Variants in PRSS23 observed in about 807,000 individuals in gnomAD.
The protein encoded by PRSS23 is serine protease 23.
A neutral mutation model predicts 34.7 loss-of-function variants in PRSS23; 25 were observed. That is an observed-to-expected ratio of 0.72 (90% confidence interval 0.53 to 1.01). The LOEUF (loss-of-function observed/expected upper bound fraction) is 1.01. Ranked by LOEUF, PRSS23 falls within the 50% of genes least tolerant of loss-of-function variation. The pLI is 0.00. For synonymous variants in PRSS23, 176 were observed against 186.6 expected, an observed-to-expected ratio of 0.94 and a Z score of 0.46; for missense variants, 445 against 475.6, an observed-to-expected ratio of 0.94 and a Z score of 0.60.
chr11:86,824,179 A>G (rs114426362), intron 2 of PRSS23, among the ~76,000 whole-genome samples: 1,924 of 151,298 alleles, frequency 0.013, 34 homozygotes, highest in African/African-American at 0.044. Context: ...ATGGCCCCGT[A>G]TGCCTGTGGT....
upstream of PRSS23, among the ~76,000 whole-genome samples, chr11:86,796,677 A>AAAAT (rs1484217021): frequency 5.3e-5 from 8 of 152,094 alleles, no homozygotes; most frequent in Non-Finnish European, 8.8e-5. Flanking sequence ...TACACATAAT[A>AAAAT]AAATATACTC....
At chr11:86,839,599 G>A in intron 2 of PRSS23, among the ~76,000 whole-genome samples, 1 of 151,892 alleles carries the variant, frequency 6.6e-6, no homozygotes, top group East Asian at 1.9e-4. Flanking sequence ...GAAATACAGA[G>A]AACACCACAA....
chr11:86,852,495 T>C (rs1301970956), intron 2 of PRSS23, among the ~76,000 whole-genome samples: 3 of 152,206 alleles, frequency 2.0e-5, no homozygotes, highest in African/African-American at 7.2e-5. Flanking sequence ...TTTCTTTTCT[T>C]CTTAAAGATC....
At chr11:86,946,352 T>A (rs1949242524) in intron 2 of PRSS23, 1 of 151,622 alleles carries the variant, frequency 6.6e-6, no homozygotes, top group African/African-American at 2.4e-5. Flanking sequence ...AGCAAGGAGG[T>A]TTAAAAGCTT....
At chr11:86,922,224 A>T (rs1474332738) in intron 2 of PRSS23, 1 of 152,234 alleles carries the variant, frequency 6.6e-6, no homozygotes, top group Non-Finnish European at 1.5e-5. Context: ...TCTCCCTGAG[A>T]CAATACTGAC....
intron 2 of PRSS23, among the ~76,000 whole-genome samples, chr11:86,879,646 G>A (rs1268387943): frequency 1.2e-4 from 17 of 137,008 alleles, no homozygotes; most frequent in South Asian, 2.4e-4. Flanking sequence ...CCCTCTGCCC[G>A]GCCAGCCGCC....
chr11:86,945,958 A>G (rs1368489705), intron 2 of PRSS23: 3 of 152,638 alleles, frequency 2.0e-5, no homozygotes, highest in Admixed American at 1.3e-4. Context: ...AAGAAAGGCC[A>G]CAGAGCATCC....
chr11:86,820,497 T>C (rs1032953785), intron 1 of PRSS23, among the ~76,000 whole-genome samples: 9 of 152,216 alleles, frequency 5.9e-5, no homozygotes, highest in African/African-American at 2.2e-4. Flanking sequence ...TCATCCTGTA[T>C]GTACCAGTCC....
At chr11:86,898,747 CA>C (rs1161377194) in intron 2 of PRSS23, among the ~76,000 whole-genome samples, 1 of 152,218 alleles carries the variant, frequency 6.6e-6, no homozygotes, top group East Asian at 1.9e-4. Context: ...GCTTTCCAGG[CA>C]GAGGGAATTG....
In PRSS23 at chr11:86,802,329, G is replaced by A. The variant is rs181777881; in HGVS notation, c.-14+1678G>A. On this transcript the variant is annotated intron_variant, in intron 1 of 1. Transcript: ENST00000280258. Reference sequence around the variant, plus strand: ...TCATTTGACCACAAGATTGTGTTTAGGGTTGCTTGGACTTGTAAGTGCCTT... The same window carrying A: ...TCATTTGACCACAAGATTGTGTTTAAGGTTGCTTGGACTTGTAAGTGCCTT... Among the ~76,000 whole-genome samples, 149 of 152,328 alleles carry A rather than the reference G, an allele frequency of 9.8e-4. 2 individuals are homozygous for A. In the Middle Eastern group the frequency reaches 0.01, roughly 10 times the overall value.
intron 2 of PRSS23, among the ~76,000 whole-genome samples, chr11:86,844,117 A>G (rs1482091319): frequency 6.6e-6 from 1 of 152,240 alleles, no homozygotes; most frequent in Non-Finnish European, 1.5e-5. Flanking sequence ...CTTTGCAGGG[A>G]CATGGATGAA....
At chr11:86,900,357 GC>G (rs1282731113) in intron 2 of PRSS23, among the ~76,000 whole-genome samples, 1 of 152,174 alleles carries the variant, frequency 6.6e-6, no homozygotes, top group Non-Finnish European at 1.5e-5. Context: ...CAGGCTCTGT[GC>G]CCACCTTGCA....
At chr11:86,830,706 C>G (rs907330249) in intron 2 of PRSS23, among the ~76,000 whole-genome samples, 3 of 152,126 alleles carry the variant, frequency 2.0e-5, no homozygotes, top group African/African-American at 7.2e-5. Flanking sequence ...TAATATTATT[C>G]GTAATATCCT....
At chr11:86,886,813 C>T (rs541009387) in intron 2 of PRSS23, among the ~76,000 whole-genome samples, 7 of 152,030 alleles carry the variant, frequency 4.6e-5, no homozygotes, top group Non-Finnish European at 8.8e-5. Flanking sequence ...GTGGTGGGCA[C>T]CTGTAATCCC....
downstream of PRSS23, chr11:86,811,349 G>T (rs547340823): frequency 1.3e-5 from 2 of 156,176 alleles, no homozygotes; most frequent in South Asian, 4.1e-4. Context: ...TGATGAGTCC[G>T]AGTGGGGTCA....
intron 2 of PRSS23, among the ~76,000 whole-genome samples, chr11:86,931,637 ATC>A (rs1216797650): frequency 6.6e-6 from 1 of 152,190 alleles, no homozygotes; most frequent in Non-Finnish European, 1.5e-5. Flanking sequence ...GAAATATTGT[ATC>A]TCTTTTTGTA....
At chr11:86,905,392 C>T (rs1402618704) in intron 2 of PRSS23, among the ~76,000 whole-genome samples, 1 of 152,142 alleles carries the variant, frequency 6.6e-6, no homozygotes, top group Non-Finnish European at 1.5e-5. Context: ...GTATGGTGCT[C>T]TTCCTACGGC....
At chr11:86,823,539 C>T in exon 2 of PRSS23, 1 of 702,582 alleles carries the variant, frequency 1.4e-6, no homozygotes, top group Non-Finnish European at 2.6e-6. Context: ...GCAGAGACAC[C>T]AGGACAGAAA....
chr11:86,820,118 G>A (rs1417778688), intron 1 of PRSS23, among the ~76,000 whole-genome samples: 1 of 152,052 alleles, frequency 6.6e-6, no homozygotes. Flanking sequence ...GTGGGGAGGG[G>A]GTGTAAAATA....
Sources: allele counts gnomAD v4.1 joint callset (sites outside exome capture counted in the v4.1 genomes callset), GRCh38; gene constraint gnomAD v4.1.1; transcripts MANE v1.5; gene names NCBI Gene and HGNC (gene_info 2026-07-23, HGNC 2026-07-21).